Variants in CNTN3 observed in about 807,000 individuals in gnomAD.
The protein encoded by CNTN3 is contactin-3.
In CNTN3, 60 loss-of-function variants were observed where a neutral mutation model predicts 119.1. The observed-to-expected ratio is 0.50, with a 90% CI of 0.41 to 0.62. CNTN3 has a LOEUF of 0.62. CNTN3 is among the 20% of genes least tolerant of loss of function. CNTN3 has a pLI of 0.00. For missense variants in CNTN3, 1,101 were observed against 1,242.4 expected (o/e 0.89, Z 1.71); for synonymous variants, 450 against 438.7 (o/e 1.03, Z -0.32).
At chr3:74,275,982 A>G (rs1701871362) in intron 20 of CNTN3, among the ~76,000 whole-genome samples, 1 of 152,146 alleles carries the variant, frequency 6.6e-6, no homozygotes, top group Non-Finnish European at 1.5e-5. Flanking sequence ...AAAAAGCAAG[A>G]AAGAGTAGCT....
chr3:74,345,802 T>C (rs1703676263), intron 11 of CNTN3, among the ~76,000 whole-genome samples: 1 of 152,212 alleles, frequency 6.6e-6, no homozygotes, highest in African/African-American at 2.4e-5. Flanking sequence ...AGTATTTTTC[T>C]CTGTTCATTT....
chr3:74,610,484 G>T (rs900254635), intron 1 of CNTN3, among the ~76,000 whole-genome samples: 3 of 152,120 alleles, frequency 2.0e-5, no homozygotes, highest in Admixed American at 6.5e-5. Flanking sequence ...AATGAAAAAG[G>T]GTCTAAGAAG....
chr3:74,417,975 A>G (rs1258898616), intron 5 of CNTN3, among the ~76,000 whole-genome samples: 8 of 152,198 alleles, frequency 5.3e-5, no homozygotes. Context: ...AATAAGCAGT[A>G]ATATTCTATT....
intron 1 of CNTN3, among the ~76,000 whole-genome samples, chr3:74,595,389 A>G (rs1304527444): frequency 6.6e-6 from 1 of 151,926 alleles, no homozygotes; most frequent in East Asian, 1.9e-4. Context: ...CCTGAATGGT[A>G]ATGCCTAGGT....
At chr3:74,610,485 G>T (rs1559678384) in intron 1 of CNTN3, among the ~76,000 whole-genome samples, 1 of 152,126 alleles carries the variant, frequency 6.6e-6, no homozygotes, top group Non-Finnish European at 1.5e-5. Context: ...ATGAAAAAGG[G>T]TCTAAGAAGC....
At chr3:74,464,640 A>C (rs1226188441) in intron 4 of CNTN3, among the ~76,000 whole-genome samples, 1 of 152,186 alleles carries the variant, frequency 6.6e-6, no homozygotes, top group Admixed American at 6.5e-5. Flanking sequence ...ACACAGAAAA[A>C]AAATCCATAT....
At chr3:74,496,786 G>C (rs990646219) in intron 3 of CNTN3, among the ~76,000 whole-genome samples, 1 of 152,040 alleles carries the variant, frequency 6.6e-6, no homozygotes, top group Admixed American at 6.6e-5. Context: ...GGCTCAGGCA[G>C]GGAACTGCAA....
chr3:74,365,791 A>G, intron 8 of CNTN3, 89 bp from the exon 9 acceptor site: 1 of 1,404,170 alleles, frequency 7.1e-7, no homozygotes, highest in South Asian at 1.3e-5. Context: ...ACCTGGATTA[A>G]TAGAAATGGA....
At chr3:74,328,293 G>C (rs895682433) in intron 13 of CNTN3, among the ~76,000 whole-genome samples, 1 of 151,908 alleles carries the variant, frequency 6.6e-6, no homozygotes, top group Non-Finnish European at 1.5e-5. Flanking sequence ...TACATTATTT[G>C]AGGTATTATT....
At chr3:74,587,322 T>C (rs752982400) in intron 1 of CNTN3, among the ~76,000 whole-genome samples, 3 of 152,098 alleles carry the variant, frequency 2.0e-5, no homozygotes, top group African/African-American at 4.8e-5. Flanking sequence ...AATATAGTCA[T>C]GTCCATAAGA....
intron 1 of CNTN3, among the ~76,000 whole-genome samples, chr3:74,583,687 A>G (rs887568350): frequency 2.0e-5 from 3 of 152,234 alleles, no homozygotes; most frequent in Non-Finnish European, 2.9e-5. Flanking sequence ...AAAATGCATC[A>G]AAGTGAAAAC....
intron 20 of CNTN3, among the ~76,000 whole-genome samples, chr3:74,276,700 A>C (rs1380341106): frequency 6.6e-6 from 1 of 152,150 alleles, no homozygotes; most frequent in Admixed American, 6.5e-5. Flanking sequence ...ACAAACTGAC[A>C]ATCTAAGGTC....
At chr3:74,456,628 G>T (rs1242029672) in intron 4 of CNTN3, among the ~76,000 whole-genome samples, 1 of 152,062 alleles carries the variant, frequency 6.6e-6, no homozygotes, top group Non-Finnish European at 1.5e-5. Flanking sequence ...TCGCACAGGT[G>T]GCAGGTGTGG....
intron 3 of CNTN3, among the ~76,000 whole-genome samples, chr3:74,494,014 A>C (rs979876707): frequency 2.6e-5 from 4 of 152,160 alleles, no homozygotes; most frequent in Non-Finnish European, 1.5e-5. Context: ...CCATGGTTCT[A>C]ACCTGGTTCA....
intron 5 of CNTN3, among the ~76,000 whole-genome samples, chr3:74,422,292 G>C (rs1004810284): frequency 2.0e-5 from 3 of 152,130 alleles, no homozygotes; most frequent in Non-Finnish European, 2.9e-5. Flanking sequence ...GTATGCTTTT[G>C]GTGAATGTTA....
intron 1 of CNTN3, among the ~76,000 whole-genome samples, chr3:74,590,123 T>C (rs1443984716): frequency 1.3e-5 from 2 of 151,302 alleles, no homozygotes; most frequent in African/African-American, 2.4e-5. Context: ...AAAAAAAGTA[T>C]AATAATAATA....
At chr3:74,574,291 G>A (rs1454181573) in intron 1 of CNTN3, among the ~76,000 whole-genome samples, 1 of 152,260 alleles carries the variant, frequency 6.6e-6, no homozygotes, top group African/African-American at 2.4e-5. Context: ...GGCAGGGGGA[G>A]AAGAGACTGG....
intron 13 of CNTN3, among the ~76,000 whole-genome samples, chr3:74,305,620 G>C (rs552683967): frequency 6.6e-6 from 1 of 151,962 alleles, no homozygotes; most frequent in Admixed American, 6.6e-5. Context: ...TTTCAAAAGC[G>C]TGAAGGATAT....
intron 10 of CNTN3, among the ~76,000 whole-genome samples, chr3:74,362,616 A>G (rs1216396974): frequency 2.6e-5 from 4 of 152,216 alleles, no homozygotes; most frequent in Non-Finnish European, 1.5e-5. Context: ...TGTAGAAAAT[A>G]TTACATTTGC....
Sources: gnomAD v4.1 joint callset for allele counts (sites outside exome capture counted in the v4.1 genomes callset) on GRCh38, gnomAD v4.1.1 for gene constraint, MANE v1.5 for transcripts, NCBI Gene and HGNC (gene_info 2026-07-23, HGNC 2026-07-21) for gene names.